Variants in ACSL3 observed in about 807,000 individuals in gnomAD.
The protein encoded by ACSL3 is acyl-CoA synthetase long chain family member 3.
A neutral mutation model predicts 84.7 loss-of-function variants in ACSL3; 34 were observed. That is an observed-to-expected ratio of 0.40 (90% CI 0.31 to 0.53). ACSL3 has a LOEUF of 0.53. Among genes scored for constraint, ACSL3 ranks in the 20% least tolerant of loss-of-function variants. The pLI, the probability that ACSL3 is intolerant of heterozygous loss-of-function variation, is 0.48. For missense variants in ACSL3, 680 were observed against 873.1 expected, an observed-to-expected ratio of 0.78 and a Z score of 2.79; for synonymous variants, 315 against 299.4, an observed-to-expected ratio of 1.05 and a Z score of -0.54.
At chr2:222,895,400 G>A (rs1695949595) in intron 2 of ACSL3, among the ~76,000 whole-genome samples, 1 of 151,980 alleles carries the variant, frequency 6.6e-6, no homozygotes, top group Non-Finnish European at 1.5e-5. Flanking sequence ...TCAGTCTGCA[G>A]ACAAGCTCTA....
At chr2:222,921,947 T>C (rs925859583) in intron 8 of ACSL3, among the ~76,000 whole-genome samples, 1 of 152,108 alleles carries the variant, frequency 6.6e-6, no homozygotes, top group African/African-American at 2.4e-5. Flanking sequence ...ACCGATAGGG[T>C]ACAGTGGTTG....
chr2:222,928,886 T>C lies in ACSL3; in HGVS notation c.1490T>C (p.Val497Ala). The C allele has an allele frequency of 6.2e-7, 1 of 1,613,806 alleles. No individual in the cohort carries two copies. The highest frequency in any genetic ancestry group is 8.5e-7 in the Non-Finnish European group (1 of 1,179,842). Reference protein sequence around the residue: ...SEVWDYNTGRVGAPLVCCEIK... With the variant: ...SEVWDYNTGRAGAPLVCCEIK... Reference sequence around the variant, plus strand: ...GTGTGGGACTACAATACTGGCAGAGTGGGAGCACCATTAGTTTGCTGTGAA... The same window carrying C: ...GTGTGGGACTACAATACTGGCAGAGCGGGAGCACCATTAGTTTGCTGTGAA... The change falls in exon 13 of 17, where the codon GTG (valine) becomes GCG (alanine). Residue 497 changes from valine (V) to alanine (A), a missense_variant. This residue lies in a region of ACSL3 where 347 missense variants were observed against 525.7 expected (regional missense o/e 0.66). Coordinates refer to ENST00000357430, the MANE Select transcript of ACSL3 (RefSeq NM_004457.5).
At chr2:222,870,103 GTTTTTTT>G (rs60071249) in intron 1 of ACSL3, among the ~76,000 whole-genome samples, 2 of 140,372 alleles carry the variant, frequency 1.4e-5, no homozygotes, top group Non-Finnish European at 3.1e-5. Flanking sequence ...TGGACTTCTG[GTTTTTTT>G]TTTTTTTTGG....
At chr2:222,886,134 T>A (rs1054663959) in intron 1 of ACSL3, among the ~76,000 whole-genome samples, 10 of 137,428 alleles carry the variant, frequency 7.3e-5, no homozygotes, top group Admixed American at 3.1e-4. Flanking sequence ...GGTACACACG[T>A]GGCATGTTGG....
At chr2:222,912,799 G>T (rs1696480982) in intron 4 of ACSL3, among the ~76,000 whole-genome samples, 1 of 152,136 alleles carries the variant, frequency 6.6e-6, no homozygotes, top group African/African-American at 2.4e-5. Flanking sequence ...TTCCTTGGGG[G>T]ACAGAAAAAC....
In ACSL3 at chr2:222,926,936, A is replaced by G. The variant is rs1574562156; in HGVS notation, c.1293-81A>G. On this transcript the variant is annotated intron_variant, in intron 11 of 16. Coordinates refer to ENST00000357430, the MANE Select transcript of ACSL3 (RefSeq NM_004457.5). ...ACTTAATCTCAAAATCTCTCATATC[A>G]AAACTGGGGGATTAGTTTAAGTGAT... The G allele has an allele frequency of 8.9e-6, 13 of 1,462,248 alleles. No homozygotes were observed. The East Asian group carries it at 3.0e-4, about 34-fold the overall frequency. The allele number at this position is 1,462,248 out of a possible 1,614,324, so 90.6% of individuals were successfully genotyped here. A position where few individuals can be genotyped will look rare whatever the true frequency, so the allele number is the denominator to read the frequency against.
At chr2:222,929,273 A>T (rs1696961010) in intron 13 of ACSL3, among the ~76,000 whole-genome samples, 1 of 146,934 alleles carries the variant, frequency 6.8e-6, no homozygotes, top group African/African-American at 2.5e-5. Context: ...AATTTATTTT[A>T]TGAAATTGTG....
chr2:222,866,749 C>CT (rs1695155241), intron 1 of ACSL3, among the ~76,000 whole-genome samples: 34 of 53,168 alleles, frequency 6.4e-4, no homozygotes, highest in Non-Finnish European at 8.7e-4. Flanking sequence ...GCCCTGCCCC[C>CT]CCCGCCCCCC....
intron 1 of ACSL3, among the ~76,000 whole-genome samples, chr2:222,886,493 T>A (rs574139751): frequency 3.3e-4 from 51 of 152,344 alleles, no homozygotes; most frequent in African/African-American, 1.2e-3. Context: ...GTATGTTGAA[T>A]TAAGTGATTC....
chr2:222,944,212 C>G lies in ACSL3; in HGVS notation c.*2558C>G, dbSNP rs991079752. 1.3e-5 allele frequency: 2 copies of G among 152,094 alleles called. No homozygotes were observed. The highest frequency in any genetic ancestry group is 2.9e-5 in the Non-Finnish European group (2 of 67,984). 9.4% of individuals were successfully genotyped at this position (152,094 alleles called of 1,614,324 possible). A position where few individuals can be genotyped will look rare whatever the true frequency, so the allele number is the denominator to read the frequency against. On this transcript the variant is annotated 3_prime_UTR_variant, in exon 17 of 17. Coordinates refer to ENST00000357430, the MANE Select transcript of ACSL3 (RefSeq NM_004457.5). ...TATTTATAATGTTCTCTAAAGCTTGCAACTTTTTCAGCAACGTTTAAAAAT... is the reference window on the plus strand; with the variant it reads ...TATTTATAATGTTCTCTAAAGCTTGGAACTTTTTCAGCAACGTTTAAAAAT...
At position 222,938,160 on chromosome 2, in the gene ACSL3, T is replaced by G. The variant is rs186469279; in HGVS notation, c.2006-3337T>G. On this transcript the variant is annotated intron_variant, in intron 16 of 16. Coordinates refer to ENST00000357430, the MANE Select transcript of ACSL3 (RefSeq NM_004457.5). Reference sequence around the variant, plus strand: ...CATAATTACTTTTTATGTCTTTGTTTTTTAAATTCTATACAGATTTAAATG... The same window carrying G: ...CATAATTACTTTTTATGTCTTTGTTGTTTAAATTCTATACAGATTTAAATG... 2.2e-4 allele frequency among the ~76,000 whole-genome samples: 34 copies of G among 152,314 alleles called. No individual in the cohort carries two copies. The East Asian group carries it at 5.8e-3, about 26-fold the overall frequency.
chr2:222,881,560 A>G (rs1695592096), intron 1 of ACSL3, among the ~76,000 whole-genome samples: 1 of 152,200 alleles, frequency 6.6e-6, no homozygotes, highest in Non-Finnish European at 1.5e-5. Flanking sequence ...CTTGTCGCCC[A>G]GGCTGGAGTG....
intron 10 of ACSL3, among the ~76,000 whole-genome samples, 162 bp from the exon 11 acceptor site, chr2:222,924,294 A>C (rs966232395): frequency 6.6e-6 from 1 of 152,202 alleles, no homozygotes; most frequent in African/African-American, 2.4e-5. Flanking sequence ...CTTTTTGAAA[A>C]ATTCACAAAA....
rs1458288573 is a variant in ACSL3 at position 222,941,963 on chromosome 2, T to C, written c.*309T>C. ...AAACCTCAAGTTTTTAAACATGATT[T>C]ATATGTTCTGTATAATGTTCAGTTT... On this transcript the variant is annotated 3_prime_UTR_variant, in exon 17 of 17. Transcript: ENST00000357430. The C allele has an allele frequency of 7.4e-6, 2 of 269,472 alleles. No individual in the cohort carries two copies. The highest frequency in any genetic ancestry group is 5.1e-5 in the Admixed American group (1 of 19,616). 16.7% of individuals were successfully genotyped at this position (269,472 alleles called of 1,614,324 possible). A position where few individuals can be genotyped will look rare whatever the true frequency, so the allele number is the denominator to read the frequency against.
In ACSL3 at chr2:222,943,102, A is replaced by AAC. The variant is rs35119789; in HGVS notation, c.*1449_*1450insCA. ...GCAAAAATCAAAAAAAAAAAAAACA[A>AAC]AAACAAAAAAAAAGATGAACCTAGG... On this transcript the variant is annotated 3_prime_UTR_variant, in exon 17 of 17. Coordinates refer to ENST00000357430, the MANE Select transcript of ACSL3 (RefSeq NM_004457.5). 21 of 203,306 alleles carry AAC rather than the reference A, an allele frequency of 1.0e-4. No homozygotes were observed. The highest frequency in any genetic ancestry group is 9.1e-4 in the Admixed American group (15 of 16,500). The allele number at this position is 203,306 out of a possible 1,614,324, so 12.6% of individuals were successfully genotyped here.
chr2:222,864,192 A>G (rs1352166209), intron 1 of ACSL3, among the ~76,000 whole-genome samples: 1 of 152,232 alleles, frequency 6.6e-6, no homozygotes, highest in Admixed American at 6.5e-5. Flanking sequence ...CTTAACTGGT[A>G]GAGAACTAGG....
At chr2:222,914,236 T>TAC (rs1458721668) in intron 4 of ACSL3, among the ~76,000 whole-genome samples, 2 of 10,596 alleles carry the variant, frequency 1.9e-4, no homozygotes, top group Non-Finnish European at 9.1e-4. Flanking sequence ...TGTGTGTACG[T>TAC]GTGTGTGTGT....
chr2:222,927,319 G>C, intron 12 of ACSL3, 130 bp downstream of exon 12: 2 of 872,344 alleles, frequency 2.3e-6, no homozygotes, highest in Non-Finnish European at 3.3e-6. Context: ...TGGATTCCAA[G>C]TACTATGATC....
At chr2:222,879,318 A>T (rs984312817) in intron 1 of ACSL3, among the ~76,000 whole-genome samples, 2 of 152,208 alleles carry the variant, frequency 1.3e-5, no homozygotes, top group African/African-American at 4.8e-5. Context: ...ACTGTCTCAA[A>T]AAAATAAAAT....
Sources: allele counts gnomAD v4.1 joint callset (sites outside exome capture counted in the v4.1 genomes callset), GRCh38; gene constraint gnomAD v4.1.1; regional missense constraint gnomAD v4.1.1; transcripts MANE v1.5; gene names NCBI Gene and HGNC (gene_info 2026-07-23, HGNC 2026-07-21).